The following CCDC148 variants were observed in gnomAD, a reference collection of about 807,000 sequenced individuals.
CCDC148 encodes coiled-coil domain-containing protein 148.
Under a neutral mutation model 85.7 loss-of-function variants are expected in CCDC148, and 89 were observed. That is an observed-to-expected ratio of 1.04 (90% CI 0.87 to 1.24). The LOEUF is 1.24. Ranked by LOEUF, CCDC148 falls within the 50% of genes most tolerant of loss-of-function variation. The probability of loss-of-function intolerance (pLI) is 0.00; values close to 1 mark genes in which losing one functional copy is unlikely to be tolerated. For missense variants in CCDC148, 692 were observed against 671.7 expected (o/e 1.03, Z -0.33); for synonymous variants, 230 against 213.9 (o/e 1.08, Z -0.66).
intron 9 of CCDC148, among the ~76,000 whole-genome samples, chr2:158,293,960 C>A (rs75602839): frequency 2.3e-5 from 1 of 44,062 alleles, no homozygotes; most frequent in East Asian, 6.9e-4. Context: ...CCCTCTCCCT[C>A]CCTCCCTCCC....
At chr2:158,365,604 A>G (rs1684162679) in intron 1 of CCDC148, among the ~76,000 whole-genome samples, 1 of 152,180 alleles carries the variant, frequency 6.6e-6, no homozygotes, top group South Asian at 2.1e-4. Flanking sequence ...GGAGTTGAAC[A>G]ATGAAAACAC....
chr2:158,303,272 G>A (rs1190840334), intron 9 of CCDC148, among the ~76,000 whole-genome samples: 1 of 151,930 alleles, frequency 6.6e-6, no homozygotes, highest in Non-Finnish European at 1.5e-5. Context: ...ACACTCTGTG[G>A]GCCTACTTTA....
chr2:158,414,765 G>A (rs531769795), intron 1 of CCDC148, among the ~76,000 whole-genome samples: 1 of 152,132 alleles, frequency 6.6e-6, no homozygotes, highest in African/African-American at 2.4e-5. Flanking sequence ...ATTTACTATG[G>A]TCAAGCAGCC....
intron 11 of CCDC148, among the ~76,000 whole-genome samples, chr2:158,185,893 T>A (rs1020910221): frequency 6.6e-6 from 1 of 152,062 alleles, no homozygotes; most frequent in Non-Finnish European, 1.5e-5. Flanking sequence ...AAAACCTTTT[T>A]AAAAAATCAC....
intron 11 of CCDC148, among the ~76,000 whole-genome samples, chr2:158,199,392 C>A (rs1685837559): frequency 1.3e-5 from 2 of 152,088 alleles, no homozygotes; most frequent in South Asian, 4.1e-4. Context: ...TTATAGGCAT[C>A]CGCCACCACC....
intron 7 of CCDC148, among the ~76,000 whole-genome samples, chr2:158,336,147 T>C (rs1682368281): frequency 6.6e-6 from 1 of 152,112 alleles, no homozygotes; most frequent in Non-Finnish European, 1.5e-5. Context: ...GAGAAGGCCA[T>C]ATCAAAGTAG....
chr2:158,421,880 G>A (rs900922540), intron 1 of CCDC148, among the ~76,000 whole-genome samples: 2 of 151,856 alleles, frequency 1.3e-5, no homozygotes, highest in Non-Finnish European at 2.9e-5. Context: ...GAATCAAATA[G>A]ACGCAATAAA....
intron 7 of CCDC148, among the ~76,000 whole-genome samples, chr2:158,325,381 C>T (rs1288481188): frequency 6.6e-6 from 1 of 152,182 alleles, no homozygotes. Context: ...CCTTCCAGGA[C>T]ACTACACTCT....
At chr2:158,418,245 G>C (rs1321737827) in intron 1 of CCDC148, among the ~76,000 whole-genome samples, 1 of 151,878 alleles carries the variant, frequency 6.6e-6, no homozygotes, top group South Asian at 2.1e-4. Flanking sequence ...CTACAATGAA[G>C]GGGTTGGACT....
intron 9 of CCDC148, among the ~76,000 whole-genome samples, chr2:158,292,092 T>C (rs965690421): frequency 3.9e-5 from 6 of 152,148 alleles, no homozygotes; most frequent in Non-Finnish European, 8.8e-5. Flanking sequence ...TTCTTTTTTT[T>C]TGTTCAACTT....
At chr2:158,282,916 T>C (rs6437164) in intron 9 of CCDC148, among the ~76,000 whole-genome samples, 1 of 152,128 alleles carries the variant, frequency 6.6e-6, no homozygotes, top group Non-Finnish European at 1.5e-5. Flanking sequence ...GCATGGTACT[T>C]GTACCAAAAC....
At chr2:158,314,898 T>C (rs1234996362) in intron 7 of CCDC148, among the ~76,000 whole-genome samples, 1 of 152,202 alleles carries the variant, frequency 6.6e-6, no homozygotes, top group Non-Finnish European at 1.5e-5. Context: ...CCCTAAAAAA[T>C]ATTTGACAAT....
At chr2:158,195,326 A>T (rs1432594707) in intron 11 of CCDC148, among the ~76,000 whole-genome samples, 1 of 151,992 alleles carries the variant, frequency 6.6e-6, no homozygotes, top group Non-Finnish European at 1.5e-5. Flanking sequence ...ACAATTTCAC[A>T]TGAAGGCATA....
intron 11 of CCDC148, among the ~76,000 whole-genome samples, chr2:158,193,616 A>G (rs80025535): frequency 0.012 from 1,753 of 152,170 alleles, 38 homozygotes; most frequent in African/African-American, 0.04. Context: ...AAAAGCCACA[A>G]TATTTTGACA....
At chr2:158,412,490 G>A (rs958844815) in intron 1 of CCDC148, among the ~76,000 whole-genome samples, 1 of 152,072 alleles carries the variant, frequency 6.6e-6, no homozygotes, top group African/African-American at 2.4e-5. Flanking sequence ...TTCTAAAAAT[G>A]AAAATTCCCC....
intron 1 of CCDC148, chr2:158,425,209 A>G: frequency 1.9e-6 from 1 of 535,576 alleles, no homozygotes; most frequent in South Asian, 1.4e-5. Context: ...AACCATGACT[A>G]TGCACAGGTG....
At chr2:158,397,463 G>A (rs1199201996) in intron 1 of CCDC148, among the ~76,000 whole-genome samples, 1 of 152,058 alleles carries the variant, frequency 6.6e-6, no homozygotes. Flanking sequence ...AAGAGAGTGG[G>A]GGCCAATATT....
intron 11 of CCDC148, among the ~76,000 whole-genome samples, chr2:158,192,185 T>G (rs533418765): frequency 1.3e-5 from 2 of 152,200 alleles, no homozygotes; most frequent in South Asian, 4.1e-4. Context: ...CCAGCTTTAT[T>G]CAAGTATGGA....
chr2:158,423,086 G>C (rs564231060), intron 1 of CCDC148, among the ~76,000 whole-genome samples: 11 of 152,036 alleles, frequency 7.2e-5, no homozygotes, highest in South Asian at 6.2e-4. Context: ...AAAGAGGACC[G>C]AAACAAATGG....
Sources: gnomAD v4.1 joint callset for allele counts (sites outside exome capture counted in the v4.1 genomes callset) on GRCh38, gnomAD v4.1.1 for gene constraint, MANE v1.5 for transcripts, NCBI Gene and HGNC (gene_info 2026-07-23, HGNC 2026-07-21) for gene names.